The following DLGAP2 variants were observed in gnomAD, a reference collection of about 807,000 sequenced individuals.
The protein encoded by DLGAP2 is disks large-associated protein 2.
A neutral mutation model predicts 100.3 loss-of-function variants in DLGAP2; 26 were observed. The ratio of observed to expected loss-of-function variants is 0.26; its 90% CI spans 0.19 to 0.36. The LOEUF is 0.36. Ranked by LOEUF, DLGAP2 falls within the 10% of genes least tolerant of loss-of-function variation. The pLI, the probability that DLGAP2 is intolerant of heterozygous loss-of-function variation, is 1.00. For missense variants in DLGAP2, 1,858 were observed against 1,453.2 expected (o/e 1.28, Z -4.53); for synonymous variants, 886 against 630.1 (o/e 1.41, Z -6.08).
chr8:1,211,074 C>T (rs929042116), intron 2 of DLGAP2, among the ~76,000 whole-genome samples: 1 of 152,234 alleles, frequency 6.6e-6, no homozygotes, highest in Admixed American at 6.5e-5. Context: ...ATGTGGAGAT[C>T]AAGTGAGGAT....
chr8:1,644,272 C>T (rs545001602), intron 8 of DLGAP2, among the ~76,000 whole-genome samples: 8 of 152,346 alleles, frequency 5.3e-5, no homozygotes, highest in South Asian at 2.1e-4. Context: ...TAAGCCCGCC[C>T]GACCAAGAGC....
chr8:780,772 C>G (rs1342660707), intron 1 of DLGAP2, among the ~76,000 whole-genome samples: 2 of 152,224 alleles, frequency 1.3e-5, no homozygotes, highest in East Asian at 1.9e-4. Context: ...ATGTCCAAAC[C>G]TGTTCCTGCC....
At chr8:1,116,783 A>G (rs529983931) in intron 2 of DLGAP2, among the ~76,000 whole-genome samples, 1 of 152,314 alleles carries the variant, frequency 6.6e-6, no homozygotes, top group South Asian at 2.1e-4. Flanking sequence ...CCTAGGTGAC[A>G]GGGCAAAACC....
chr8:1,162,185 G>C (rs570452278), intron 2 of DLGAP2, among the ~76,000 whole-genome samples: 8 of 152,224 alleles, frequency 5.3e-5, no homozygotes, highest in East Asian at 1.9e-4. Flanking sequence ...TGCAGAACTC[G>C]GAGGCGAGGG....
intron 2 of DLGAP2, among the ~76,000 whole-genome samples, chr8:1,220,429 G>C (rs1339307346): frequency 6.6e-6 from 1 of 152,122 alleles, no homozygotes; most frequent in African/African-American, 2.4e-5. Flanking sequence ...AATGTTCTTG[G>C]TGTTGATCTC....
chr8:1,323,347 A>G (rs1800949314), intron 3 of DLGAP2, among the ~76,000 whole-genome samples: 1 of 152,138 alleles, frequency 6.6e-6, no homozygotes, highest in African/African-American at 2.4e-5. Context: ...CACAAGTTTT[A>G]AGGCTTTTTA....
At chr8:956,187 TC>T (rs1372567014) in intron 2 of DLGAP2, among the ~76,000 whole-genome samples, 3 of 152,228 alleles carry the variant, frequency 2.0e-5, no homozygotes, top group Admixed American at 6.5e-5. Context: ...AGTTTATTTC[TC>T]ACGGGCTTCA....
intron 2 of DLGAP2, chr8:1,002,807 G>C (rs1392985710): frequency 6.6e-6 from 1 of 152,304 alleles, no homozygotes; most frequent in Non-Finnish European, 1.5e-5. Context: ...GGCTGGAGTG[G>C]AGTTAGTTTG....
chr8:1,159,752 C>G (rs1162188342), intron 2 of DLGAP2, among the ~76,000 whole-genome samples: 1 of 152,162 alleles, frequency 6.6e-6, no homozygotes, highest in African/African-American at 2.4e-5. Flanking sequence ...TTCAGTCATA[C>G]ATTGAAAAAT....
At chr8:1,192,914 C>T (rs1035442006) in intron 2 of DLGAP2, among the ~76,000 whole-genome samples, 2 of 151,702 alleles carry the variant, frequency 1.3e-5, no homozygotes, top group African/African-American at 4.8e-5. Context: ...TGAGTGAGAA[C>T]ATGCGGTGTT....
chr8:1,304,802 GATC>G (rs1165535617), intron 3 of DLGAP2, among the ~76,000 whole-genome samples: 6 of 152,080 alleles, frequency 3.9e-5, no homozygotes, highest in African/African-American at 9.7e-5. Context: ...ATATTTTGTG[GATC>G]ATCATCAATT....
chr8:1,663,406 C>T (rs1334594643), intron 8 of DLGAP2, among the ~76,000 whole-genome samples: 1 of 152,040 alleles, frequency 6.6e-6, no homozygotes, highest in African/African-American at 2.4e-5. Flanking sequence ...ACTGTGCACC[C>T]GTCTTCGCCA....
At chr8:1,437,965 G>A (rs147395209) in intron 3 of DLGAP2, among the ~76,000 whole-genome samples, 264 of 152,018 alleles carry the variant, frequency 1.7e-3, no homozygotes, top group African/African-American at 6.0e-3. Context: ...CAGCCTGGGC[G>A]ACAAGAGCAA....
chr8:1,330,890 C>G (rs541545912), intron 3 of DLGAP2, among the ~76,000 whole-genome samples: 1 of 149,296 alleles, frequency 6.7e-6, no homozygotes, highest in African/African-American at 2.5e-5. Flanking sequence ...TTCACGGGGA[C>G]TGAGTTCTGT....
At chr8:1,383,701 T>C (rs1195169032) in intron 3 of DLGAP2, among the ~76,000 whole-genome samples, 3 of 152,170 alleles carry the variant, frequency 2.0e-5, no homozygotes, top group African/African-American at 7.2e-5. Context: ...CTCTTCTCTG[T>C]AAGGTCAGTG....
intron 6 of DLGAP2, among the ~76,000 whole-genome samples, chr8:1,626,198 C>G (rs1403968339): frequency 1.4e-5 from 2 of 146,522 alleles, no homozygotes; most frequent in African/African-American, 5.2e-5. Flanking sequence ...GTGGCGGGTG[C>G]TCAGCCTCTG....
chr8:1,273,574 G>C (rs537594565), intron 3 of DLGAP2, among the ~76,000 whole-genome samples: 2 of 152,336 alleles, frequency 1.3e-5, no homozygotes, highest in African/African-American at 4.8e-5. Context: ...CAGACGTGCC[G>C]TGACGGCTTT....
intron 4 of DLGAP2, among the ~76,000 whole-genome samples, chr8:1,529,902 A>G (rs1263545887): frequency 6.6e-6 from 1 of 152,194 alleles, no homozygotes; most frequent in Non-Finnish European, 1.5e-5. Context: ...CGTTTTTATT[A>G]GGGAGTTTCA....
At chr8:1,597,126 T>C (rs1032933089) in intron 6 of DLGAP2, among the ~76,000 whole-genome samples, 1 of 152,242 alleles carries the variant, frequency 6.6e-6, no homozygotes, top group Non-Finnish European at 1.5e-5. Context: ...TATGGAATCC[T>C]TTCCCCATTG....
Sources: allele counts gnomAD v4.1 joint callset (sites outside exome capture counted in the v4.1 genomes callset), GRCh38; gene constraint gnomAD v4.1.1; transcripts MANE v1.5; gene names NCBI Gene and HGNC (gene_info 2026-07-23, HGNC 2026-07-21).